Variants in NEB observed in about 807,000 individuals in gnomAD.
The protein encoded by NEB is nemaline myopathy type 2.
In NEB, 512 loss-of-function variants were observed where a neutral mutation model predicts 952.2. The ratio of observed to expected loss-of-function variants is 0.54; its 90% CI spans 0.50 to 0.58. NEB has a LOEUF of 0.58. NEB is among the 20% of genes least tolerant of loss of function. The pLI, the probability that NEB is intolerant of heterozygous loss-of-function variation, is 0.00. For synonymous variants in NEB, 2,900 were observed against 3,149.8 expected, an observed-to-expected ratio of 0.92 and a Z score of 2.66; for missense variants, 8,428 against 9,231.1, an observed-to-expected ratio of 0.91 and a Z score of 3.56.
chr2:151,732,245 C>T (rs2151104573), intron 3 of NEB, among the ~76,000 whole-genome samples: 1 of 152,242 alleles, frequency 6.6e-6, no homozygotes, highest in Non-Finnish European at 1.5e-5. Context: ...CATTCAGATT[C>T]ATGGCACTGT....
At chr2:151,729,444 C>CAA (rs2099800440) in intron 4 of NEB, among the ~76,000 whole-genome samples, 171 bp downstream of exon 4, 1 of 152,218 alleles carries the variant, frequency 6.6e-6, no homozygotes, top group Non-Finnish European at 1.5e-5. Context: ...AATAATCCAT[C>CAA]AAACAGGTAA....
At position 151,508,040 on chromosome 2, in the gene NEB, G is replaced by GTATC; in HGVS notation, c.23412_23415dup (p.Gln7806AspfsTer19). ...TTCTTTTGGTTCTCCCGGACTCTCT[G>GTATC]TATCTCTGGGGTGTCCAAAACAGTC... On this transcript the variant is annotated frameshift_variant, in exon 162 of 182. Coordinates refer to ENST00000397345, the MANE Select transcript of NEB (RefSeq NM_001164508.2). LOFTEE classifies it high-confidence loss of function. The GTATC allele has an allele frequency of 6.2e-7, 1 of 1,610,884 alleles. No individual in the cohort carries two copies. The highest frequency in any genetic ancestry group is 8.5e-7 in the Non-Finnish European group (1 of 1,178,422).
intron 105 of NEB, among the ~76,000 whole-genome samples, chr2:151,577,229 A>C (rs1310898809): frequency 6.6e-6 from 1 of 152,180 alleles, no homozygotes; most frequent in East Asian, 1.9e-4. Flanking sequence ...CCTGACACAG[A>C]CTAGAAGGGA....
chr2:151,496,137 G>A, intron 173 of NEB, 139 bp downstream of exon 173: 1 of 992,786 alleles, frequency 1.0e-6, no homozygotes, highest in Non-Finnish European at 1.5e-6. Context: ...GTAGCCCAAA[G>A]GAAAAAAGGG....
rs761394909 is a variant in NEB at position 151,553,444 on chromosome 2, G to A, written c.19685C>T (p.Thr6562Ile). The stretch of plus-strand genomic sequence containing the variant: ...ATGCTTGGCATGGAGGATTTCAGGA[G>A]TGTCCCAGACGTAGCAACCAATGCC... ...LKGIGCYVWD[T>I]PEILHAKHAY... Residue 6562 changes from threonine to isoleucine, a missense_variant, in exon 127 of 182, where the codon ACT becomes ATT. Transcript: ENST00000397345. 3 of 1,613,656 alleles carry A rather than the reference G, an allele frequency of 1.9e-6. No homozygotes were observed. Among genetic ancestry groups the A allele is most frequent in the African/African-American group, 2.7e-5 (2 of 74,910 alleles).
chr2:151,717,293 A>G (rs2099761654), intron 10 of NEB, 123 bp downstream of exon 10: 3 of 725,346 alleles, frequency 4.1e-6, no homozygotes, highest in Non-Finnish European at 7.5e-6. Context: ...TGGGGATCAT[A>G]TGTAAAAATA....
At chr2:151,696,027 A>G (rs2099593791) in intron 17 of NEB, among the ~76,000 whole-genome samples, 1 of 152,212 alleles carries the variant, frequency 6.6e-6, no homozygotes, top group South Asian at 2.1e-4. Context: ...TCATCTGATT[A>G]AGAGTCCTCT....
intron 13 of NEB, among the ~76,000 whole-genome samples, chr2:151,701,221 G>C (rs1038451597): frequency 2.1e-5 from 3 of 140,600 alleles, no homozygotes; most frequent in Non-Finnish European, 4.6e-5. Flanking sequence ...AAGCCCACTT[G>C]ATCATGGTGG....
At chr2:151,520,892 G>A (rs1364335805) in intron 153 of NEB, among the ~76,000 whole-genome samples, 2 of 152,224 alleles carry the variant, frequency 1.3e-5, no homozygotes, top group Non-Finnish European at 2.9e-5. Flanking sequence ...TTTATTTATA[G>A]GAGAATTCAA....
rs376019368 is a variant in NEB, at chr2:151,609,891, C to G, written c.12248G>C (p.Arg4083Pro). The G allele has an allele frequency of 1.2e-6, 2 of 1,613,380 alleles. No homozygotes were observed. Among genetic ancestry groups the G allele is most frequent in the Non-Finnish European group, 1.7e-6 (2 of 1,179,572 alleles). ...GCATGTCCATTCATGCAGGTAATTG[C>G]GATAATCAATGTCAGTGACCAAAGT... ...CQTLVTDIDY[R>P]NYLHEWTCMP... is the part of the protein sequence containing the mutation. Residue 4083 changes from arginine (R) to proline (P), a missense_variant, in exon 81 of 182, where the codon CGC (arginine) becomes CCC (proline). Physicochemically the swap from Arg to Pro is moderately radical, Grantham distance 103. This residue lies in a region of NEB where 337 missense variants were observed against 297.5 expected (regional missense o/e 1.13). Coordinates refer to ENST00000397345, the MANE Select transcript of NEB (RefSeq NM_001164508.2).
intron 78 of NEB, among the ~76,000 whole-genome samples, 182 bp from the exon 79 acceptor site, chr2:151,611,048 A>G (rs1285737295): frequency 1.3e-5 from 2 of 152,228 alleles, no homozygotes; most frequent in African/African-American, 2.4e-5. Flanking sequence ...AAAACATAGC[A>G]ATATTTAAAT....
At position 151,672,436 on chromosome 2, in the gene NEB, T is replaced by G. The variant is rs1169237387; in HGVS notation, c.4232A>C (p.His1411Pro). 6.2e-7 allele frequency: 1 copy of G among 1,613,952 alleles called. No homozygotes were observed. Among genetic ancestry groups the G allele is most frequent in the African/African-American group, 1.3e-5 (1 of 75,052 alleles). ...TNVNYKQPLH[H>P]YTYLPDAMSL... ...CATGGCGTCAGGTAGGTATGTGTAATGATGCAATGGCTGTTTGTAGTTGAC... is the reference window on the plus strand; with the variant it reads ...CATGGCGTCAGGTAGGTATGTGTAAGGATGCAATGGCTGTTTGTAGTTGAC... Residue 1411 changes from histidine (H) to proline (P), a missense_variant, in exon 37 of 182, where the codon CAT (histidine) becomes CCT (proline). Transcript: ENST00000397345.
In NEB at chr2:151,567,478, A is replaced by G. The variant is rs765924886; in HGVS notation, c.17846T>C (p.Leu5949Pro). The G allele has an allele frequency of 1.2e-6, 2 of 1,603,342 alleles. No individual in the cohort carries two copies. The highest frequency in any genetic ancestry group is 2.7e-5 in the African/African-American group (2 of 74,738). Residue 5949 changes from leucine (L) to proline (P), a missense_variant and splice_region_variant, in exon 114 of 182, where the codon CTG (leucine) becomes CCG (proline). Coordinates refer to ENST00000397345, the MANE Select transcript of NEB (RefSeq NM_001164508.2). ...AHHCNDVQSE[L>P]KYKAEHVKQK... ...CTTCACATGTTCAGCTTTGTATTTC[A>G]GCTGGCGAGAAGAGGAATATAAATT...
intron 126 of NEB, 97 bp downstream of exon 126, chr2:151,553,730 GA>G: frequency 8.1e-6 from 10 of 1,236,094 alleles, no homozygotes; most frequent in African/African-American, 1.5e-5. Context: ...AGAGATAGTG[GA>G]AAAAGGCTAA....
At chr2:151,578,462 C>A (rs923685146) in intron 105 of NEB, among the ~76,000 whole-genome samples, 2 of 151,370 alleles carry the variant, frequency 1.3e-5, no homozygotes, top group African/African-American at 4.9e-5. Flanking sequence ...GGGTTTGAGA[C>A]CAGCCTGGCC....
intron 10 of NEB, among the ~76,000 whole-genome samples, chr2:151,715,938 C>T (rs2099757672): frequency 6.6e-6 from 1 of 151,964 alleles, no homozygotes; most frequent in South Asian, 2.1e-4. Flanking sequence ...TTTAAGAATC[C>T]CCACTGCATA....
chr2:151,628,751 A>G (rs2098591784), intron 68 of NEB, among the ~76,000 whole-genome samples: 2 of 152,158 alleles, frequency 1.3e-5, no homozygotes, highest in Admixed American at 1.3e-4. Flanking sequence ...AATCCCAGTT[A>G]CTTGGGAGGC....
intron 47 of NEB, 112 bp from the exon 48 acceptor site, chr2:151,658,202 C>A: frequency 5.7e-6 from 4 of 707,442 alleles, no homozygotes; most frequent in South Asian, 3.7e-5. Context: ...GAGCAGAATG[C>A]TTCGTTGGTG....
chr2:151,682,671 G>C lies in NEB; in HGVS notation c.2934C>G (p.Ile978Met). 6.2e-7 allele frequency: 1 copy of C among 1,611,752 alleles called. No homozygotes were observed. The highest frequency in any genetic ancestry group is 8.5e-7 in the Non-Finnish European group (1 of 1,178,476). Residue 978 changes from isoleucine to methionine, a missense_variant, in exon 29 of 182, where the codon ATC becomes ATG. By Grantham distance (10) the Ile-to-Met change is conservative (BLOSUM62 1). Around this residue, in one of 11 missense-constraint regions of NEB, gnomAD observed 2,851 missense variants for 2,791.5 expected, o/e 1.02. Transcript: ENST00000397345. ...EMEKAKRASD[I>M]LNEKKYRQHP... ...CACCCAGTGGCTTTACCTCATTGAG[G>C]ATGTCTGAAGCTCGCTTTGCCTTTT... is the stretch of plus-strand genomic sequence containing the variant.
Sources: gnomAD v4.1 joint callset for allele counts (sites outside exome capture counted in the v4.1 genomes callset) on GRCh38, gnomAD v4.1.1 for gene constraint, gnomAD v4.1.1 regional missense constraint, MANE v1.5 for transcripts, NCBI Gene and HGNC (gene_info 2026-07-23, HGNC 2026-07-21) for gene names.